Variants in CNGA2 observed in about 807,000 individuals in gnomAD.
CNGA2 encodes the protein cyclic nucleotide gated channel subunit alpha 2, also known as cyclic nucleotide-gated channel alpha-2.
CNGA2 carries 22 observed loss-of-function variants against 35.9 expected under a neutral mutation model. That is an observed-to-expected ratio of 0.61 (90% confidence interval 0.44 to 0.88). CNGA2 has a LOEUF of 0.88. Ranked by LOEUF, CNGA2 falls within the 40% of genes least tolerant of loss-of-function variation. The pLI, the probability that CNGA2 is intolerant of heterozygous loss-of-function variation, is 0.00. For missense variants in CNGA2, 555 were observed against 530.8 expected (o/e 1.05, Z -0.45); for synonymous variants, 217 against 209.2 (o/e 1.04, Z -0.32).
rs759516163 is a variant in CNGA2 at position 151,745,417 on chromosome X, G to A, written c.*919G>A. On this transcript the variant is annotated 3_prime_UTR_variant, in exon 7 of 7. Transcript: ENST00000329903. ...TATTCATCAGGGATTGCTTTCAGGA[G>A]TCCCCATGGATACCAAAATTTGTGG... 5 of 111,504 alleles carry A rather than the reference G, an allele frequency of 4.5e-5. No individual in the cohort carries two copies. The East Asian group carries it at 1.4e-3, about 32-fold the overall frequency. The allele number at this position is 111,504 out of a possible 1,213,427, so 9.2% of individuals were successfully genotyped here. A position where few individuals can be genotyped will look rare whatever the true frequency, so the allele number is the denominator to read the frequency against.
chrX:151,739,411 T>G, intron 3 of CNGA2, 151 bp from the exon 4 acceptor site: 2 of 640,931 alleles, frequency 3.1e-6, no homozygotes, highest in Non-Finnish European at 4.6e-6. Context: ...ACCCCAGCTT[T>G]TAGCACACGG....
At position 151,743,415 on chromosome X, in the gene CNGA2, C is replaced by A; in HGVS notation, c.912C>A (p.Val304=). Residue 304 remains valine (V), a synonymous_variant, in exon 7 of 7, where the codon GTC becomes GTA. Coordinates refer to ENST00000329903, the MANE Select transcript of CNGA2 (RefSeq NM_005140.3). ...YAISKSIGFG[V]DTWVYPNITD... Reference sequence around the variant, plus strand: ...TCTCCAAATCCATAGGCTTTGGGGTCGACACCTGGGTTTACCCAAACATCA... The same window carrying A: ...TCTCCAAATCCATAGGCTTTGGGGTAGACACCTGGGTTTACCCAAACATCA... The A allele has an allele frequency of 8.3e-7, 1 of 1,210,286 alleles. No individual in the cohort carries two copies. Among genetic ancestry groups the A allele is most frequent in the African/African-American group, 1.7e-5 (1 of 57,309 alleles).
intron 3 of CNGA2, 149 bp downstream of exon 3, chrX:151,739,028 T>A: frequency 2.1e-6 from 1 of 479,503 alleles, no homozygotes. Context: ...TTTAATTCCG[T>A]CCTCCTGAGG....
Sources: gnomAD v4.1 joint callset for allele counts on GRCh38, gnomAD v4.1.1 for gene constraint, MANE v1.5 for transcripts, NCBI Gene and HGNC (gene_info 2026-07-23, HGNC 2026-07-21) for gene names.